Variants in GABRB1 observed in about 807,000 individuals in gnomAD.
GABRB1 encodes the protein gamma-aminobutyric acid receptor subunit beta-1.
A neutral mutation model predicts 51.6 loss-of-function variants in GABRB1; 17 were observed. The observed-to-expected ratio is 0.33, with a 90% CI of 0.23 to 0.49. The LOEUF (loss-of-function observed/expected upper bound fraction) is 0.49, where lower values mean the gene tolerates loss of function less well. GABRB1 is among the 20% of genes least tolerant of loss of function. GABRB1 has a pLI of 0.99. For missense variants in GABRB1, 410 were observed against 600.6 expected (o/e 0.68, Z 3.32); for synonymous variants, 247 against 218.9 (o/e 1.13, Z -1.14).
At chr4:47,327,514 G>A (rs1241839429) in intron 5 of GABRB1, among the ~76,000 whole-genome samples, 1 of 152,130 alleles carries the variant, frequency 6.6e-6, no homozygotes, top group African/African-American at 2.4e-5. Flanking sequence ...TTTATCATAA[G>A]GCATTAACTA....
chr4:47,214,081 C>G (rs189307513), intron 4 of GABRB1, among the ~76,000 whole-genome samples: 1 of 152,092 alleles, frequency 6.6e-6, no homozygotes, highest in Admixed American at 6.6e-5. Flanking sequence ...CGCTAGTGTG[C>G]CTGTTACTGA....
intron 5 of GABRB1, among the ~76,000 whole-genome samples, chr4:47,378,203 G>A (rs1205191754): frequency 6.6e-6 from 1 of 152,236 alleles, no homozygotes; most frequent in African/African-American, 2.4e-5. Context: ...CCCGCGGGAA[G>A]GCAGCTAAGG....
chr4:47,046,797 G>A (rs1024828925), intron 3 of GABRB1, among the ~76,000 whole-genome samples: 1 of 152,138 alleles, frequency 6.6e-6, no homozygotes, highest in African/African-American at 2.4e-5. Flanking sequence ...ATACACCATG[G>A]AATACTATGC....
At chr4:47,041,636 G>C (rs116595385) in intron 3 of GABRB1, among the ~76,000 whole-genome samples, 1 of 152,212 alleles carries the variant, frequency 6.6e-6, no homozygotes, top group African/African-American at 2.4e-5. Context: ...AAACAGATTT[G>C]TCGAAAGCTC....
intron 4 of GABRB1, among the ~76,000 whole-genome samples, chr4:47,251,187 G>C (rs1016081487): frequency 6.6e-6 from 1 of 152,084 alleles, no homozygotes; most frequent in African/African-American, 2.4e-5. Flanking sequence ...GTGGTTTCTT[G>C]TGGGCTCAAC....
chr4:47,211,412 A>T (rs951350078), intron 4 of GABRB1, among the ~76,000 whole-genome samples: 4 of 152,136 alleles, frequency 2.6e-5, no homozygotes, highest in Non-Finnish European at 5.9e-5. Flanking sequence ...TAGTTATAAT[A>T]CTCACTTTAA....
At chr4:47,131,599 T>C (rs7666212) in intron 3 of GABRB1, among the ~76,000 whole-genome samples, 136,734 of 152,192 alleles carry the variant, frequency 0.9, 61,503 homozygotes, top group South Asian at 0.93. Flanking sequence ...ATTGTCTCTT[T>C]CTGCAATGCT....
Position 47,043,812 on chromosome 4 carries a change from G to A in GABRB1, c.240+11328G>A, listed in dbSNP as rs536705523. Among the ~76,000 whole-genome samples the A allele has an allele frequency of 3.2e-4, 48 of 152,198 alleles. No homozygotes were observed. The South Asian group carries it at 9.8e-3, about 31-fold the overall frequency. On this transcript the variant is annotated intron_variant, in intron 3 of 8. Coordinates refer to ENST00000295454, the MANE Select transcript of GABRB1 (RefSeq NM_000812.4). Reference sequence around the variant, plus strand: ...CCTTGAAATGTCATTATTAGAACTTGATGTATTCAGCTTTGATTCCTGCAG... The same window carrying A: ...CCTTGAAATGTCATTATTAGAACTTAATGTATTCAGCTTTGATTCCTGCAG...
rs1020318385 is a variant in GABRB1 at position 47,305,223 on chromosome 4, G to T, written c.462-14904G>T. Among the ~76,000 whole-genome samples the T allele has an allele frequency of 2.0e-5, 3 of 152,014 alleles. No individual in the cohort carries two copies. In the East Asian group the frequency reaches 5.8e-4, roughly 29 times the overall value. ...CAATTGAGAGTTCCTAAAATATCTA[G>T]CTTAATTTGAGCATACTTTTAGTAG... On this transcript the variant is annotated intron_variant, in intron 4 of 8. Transcript: ENST00000295454.
At chr4:47,395,283 T>C (rs538938825) in intron 5 of GABRB1, among the ~76,000 whole-genome samples, 14 of 152,284 alleles carry the variant, frequency 9.2e-5, no homozygotes, top group African/African-American at 3.1e-4. Context: ...CTTACAATCA[T>C]GGCAGAAGGT....
chr4:47,069,564 C>T (rs919647342), intron 3 of GABRB1, among the ~76,000 whole-genome samples: 16 of 152,060 alleles, frequency 1.1e-4, no homozygotes, highest in African/African-American at 3.6e-4. Context: ...TTCTTCATTC[C>T]AGCTTATACC....
At chr4:47,350,966 T>C (rs780237309) in intron 5 of GABRB1, among the ~76,000 whole-genome samples, 6 of 152,218 alleles carry the variant, frequency 3.9e-5, no homozygotes, top group Non-Finnish European at 5.9e-5. Flanking sequence ...GTTGAGTGGA[T>C]GAACAAAGTG....
intron 5 of GABRB1, among the ~76,000 whole-genome samples, chr4:47,363,745 C>T (rs921126716): frequency 3.3e-5 from 5 of 152,096 alleles, no homozygotes; most frequent in African/African-American, 1.2e-4. Flanking sequence ...GGAAGGAATC[C>T]TGCTCCTTTC....
chr4:47,322,321 G>A (rs993946056), intron 5 of GABRB1, among the ~76,000 whole-genome samples: 8 of 152,124 alleles, frequency 5.3e-5, no homozygotes, highest in African/African-American at 1.9e-4. Context: ...TGAAAAGATG[G>A]TAATTATCAT....
At chr4:47,361,663 G>GA (rs901456843) in intron 5 of GABRB1, among the ~76,000 whole-genome samples, 2 of 152,078 alleles carry the variant, frequency 1.3e-5, no homozygotes, top group African/African-American at 2.4e-5. Context: ...AGTGGTGATG[G>GA]AAAAAAACTG....
intron 4 of GABRB1, among the ~76,000 whole-genome samples, chr4:47,287,088 G>C (rs573536374): frequency 8.3e-4 from 126 of 152,164 alleles, no homozygotes; most frequent in African/African-American, 2.9e-3. Context: ...CCTCAACTCT[G>C]GTCCTCATAA....
At chr4:47,074,085 T>G (rs1382021890) in intron 3 of GABRB1, among the ~76,000 whole-genome samples, 1 of 152,250 alleles carries the variant, frequency 6.6e-6, no homozygotes, top group African/African-American at 2.4e-5. Flanking sequence ...CAAATATGAT[T>G]GTATTAAAAA....
At chr4:47,224,727 A>G (rs187406043) in intron 4 of GABRB1, among the ~76,000 whole-genome samples, 1 of 152,242 alleles carries the variant, frequency 6.6e-6, no homozygotes, top group East Asian at 1.9e-4. Flanking sequence ...GAGGCTAACT[A>G]AAGTTTGGTT....
At chr4:47,007,879 T>C (rs1724456030) in intron 1 of GABRB1, among the ~76,000 whole-genome samples, 1 of 22,204 alleles carries the variant, frequency 4.5e-5, no homozygotes, top group East Asian at 1.2e-3. Context: ...TATATATATA[T>C]ATATATATAT....
Sources: gnomAD v4.1 joint callset for allele counts (sites outside exome capture counted in the v4.1 genomes callset) on GRCh38, gnomAD v4.1.1 for gene constraint, MANE v1.5 for transcripts, NCBI Gene and HGNC (gene_info 2026-07-23, HGNC 2026-07-21) for gene names.